Variants in RPS15A observed in about 807,000 individuals in gnomAD.
RPS15A encodes small ribosomal subunit protein uS8.
For missense variants in RPS15A, 62 were observed against 163.4 expected, an observed-to-expected ratio of 0.38 and a Z score of 3.38; for synonymous variants, 55 against 58.5, an observed-to-expected ratio of 0.94 and a Z score of 0.27.
chr16:18,783,360 C>T lies in RPS15A; in HGVS notation c.300-258G>A, dbSNP rs1903994798. The T allele has an allele frequency of 1.0e-5, 5 of 481,156 alleles. No homozygotes were observed. The Admixed American group carries it at 1.4e-4, about 14-fold the overall frequency. 29.8% of individuals were successfully genotyped at this position (481,156 alleles called of 1,614,324 possible). A position where few individuals can be genotyped will look rare whatever the true frequency, so the allele number is the denominator to read the frequency against. ...TGCCTACACCATGAAACAAACTGCACTGAAAACAAAGGCTGGGAACTCCTT... is the reference window on the plus strand; with the variant it reads ...TGCCTACACCATGAAACAAACTGCATTGAAAACAAAGGCTGGGAACTCCTT... On this transcript the variant is annotated intron_variant, in intron 4 of 4. Coordinates refer to ENST00000322989, the MANE Select transcript of RPS15A (RefSeq NM_001019.5).
chr16:18,781,769 A>G lies in RPS15A; in HGVS notation c.*1240T>C, dbSNP rs1903969513. On this transcript the variant is annotated 3_prime_UTR_variant, in exon 5 of 5. Coordinates refer to ENST00000322989, the MANE Select transcript of RPS15A (RefSeq NM_001019.5). ...CCCATCTCTAGGGCCGTTCTGTAAC[A>G]TTCTCAGCGACTTCCCATATCTTAC... 1 of 152,072 alleles carries G rather than the reference A, an allele frequency of 6.6e-6. No individual in the cohort carries two copies. Among genetic ancestry groups the G allele is most frequent in the South Asian group, 2.1e-4 (1 of 4,830 alleles). 9.4% of individuals were successfully genotyped at this position (152,072 alleles called of 1,614,324 possible). A position where few individuals can be genotyped will look rare whatever the true frequency, so the allele number is the denominator to read the frequency against.
chr16:18,789,198 T>A (rs2029969496), intron 1 of RPS15A, 80 bp from the exon 2 acceptor site: 1 of 1,392,734 alleles, frequency 7.2e-7, no homozygotes, highest in African/African-American at 1.4e-5. Flanking sequence ...TGCGGAAGTA[T>A]CCTTTCCTTT....
At chr16:18,789,311 T>C (rs1026047382) in intron 1 of RPS15A, among the ~76,000 whole-genome samples, 193 bp from the exon 2 acceptor site, 18 of 152,224 alleles carry the variant, frequency 1.2e-4, no homozygotes, top group African/African-American at 3.9e-4. Context: ...GAAAACAGGT[T>C]ATCGGGACGT....
chr16:18,782,915 A>G lies in RPS15A; in HGVS notation c.*94T>C. ...CGAAGCAACTGCATGCTGCCGCAGAAGCTGTGGCTACACTGCTGTAAAGGC... is the reference window on the plus strand; with the variant it reads ...CGAAGCAACTGCATGCTGCCGCAGAGGCTGTGGCTACACTGCTGTAAAGGC... On this transcript the variant is annotated 3_prime_UTR_variant, in exon 5 of 5. Coordinates refer to ENST00000322989, the MANE Select transcript of RPS15A (RefSeq NM_001019.5). 1 of 709,642 alleles carries G rather than the reference A, an allele frequency of 1.4e-6. No individual in the cohort carries two copies. Among genetic ancestry groups the G allele is most frequent in the Non-Finnish European group, 2.4e-6 (1 of 412,452 alleles). The allele number at this position is 709,642 out of a possible 1,614,324, so 44.0% of individuals were successfully genotyped here. A position where few individuals can be genotyped will look rare whatever the true frequency, so the allele number is the denominator to read the frequency against.
rs1170307837 is a variant in RPS15A, at chr16:18,781,688, A to G, written c.*1321T>C. Reference sequence around the variant, plus strand: ...AATTACCCACAGCCTCCCAAACATCAGAGGCCCCAAACATGCCTCCCAACT... The same window carrying G: ...AATTACCCACAGCCTCCCAAACATCGGAGGCCCCAAACATGCCTCCCAACT... On this transcript the variant is annotated 3_prime_UTR_variant, in exon 5 of 5. Transcript: ENST00000322989. 6.6e-6 allele frequency: 1 copy of G among 151,404 alleles called. No individual in the cohort carries two copies. The highest frequency in any genetic ancestry group is 1.5e-5 in the Non-Finnish European group (1 of 67,700). The allele number at this position is 151,404 out of a possible 1,614,324, so 9.4% of individuals were successfully genotyped here. A position where few individuals can be genotyped will look rare whatever the true frequency, so the allele number is the denominator to read the frequency against.
intron 4 of RPS15A, chr16:18,784,524 G>A: frequency 2.0e-6 from 1 of 487,806 alleles, no homozygotes; most frequent in Non-Finnish European, 3.6e-6. Context: ...AGGATCACAG[G>A]CGTGAGCCAC....
In RPS15A at chr16:18,781,495, C is replaced by G. The variant is rs1247988728; in HGVS notation, c.*1514G>C. 5.9e-5 allele frequency: 9 copies of G among 151,586 alleles called. No individual in the cohort carries two copies. The East Asian group carries it at 1.8e-3, about 30-fold the overall frequency. 9.4% of individuals were successfully genotyped at this position (151,586 alleles called of 1,614,324 possible). On this transcript the variant is annotated 3_prime_UTR_variant, in exon 5 of 5. Transcript: ENST00000322989. ...GCATAAGAAAATCCTTCTGGACTCACTGTCCCCATGCTTGTGACTGTCATG... is the reference window on the plus strand; with the variant it reads ...GCATAAGAAAATCCTTCTGGACTCAGTGTCCCCATGCTTGTGACTGTCATG...
At position 18,783,063 on chromosome 16, in the gene RPS15A, A is replaced by G. The variant is rs766981280; in HGVS notation, c.339T>C (p.His113=). Residue 113 remains histidine, a synonymous_variant, in exon 5 of 5, where the codon CAT becomes CAC. Transcript: ENST00000322989. ...VLTTSAGIMD[H]EEARRKHTGG... is the part of the protein sequence containing the mutation. ...CTGTGTGTTTTCGTCTTGCTTCTTCATGGTCCATGATGCCAGCTGAGGTTG... is the reference window on the plus strand; with the variant it reads ...CTGTGTGTTTTCGTCTTGCTTCTTCGTGGTCCATGATGCCAGCTGAGGTTG... 1 of 1,608,456 alleles carries G rather than the reference A, an allele frequency of 6.2e-7. No individual in the cohort carries two copies. The highest frequency in any genetic ancestry group is 1.1e-5 in the South Asian group (1 of 90,986).
At chr16:18,788,856 C>A in intron 2 of RPS15A, 125 bp downstream of exon 2, 3 of 991,020 alleles carry the variant, frequency 3.0e-6, no homozygotes, top group Non-Finnish European at 4.6e-6. Flanking sequence ...CCACAGCCCA[C>A]AGGTCAATTG....
chr16:18,789,238 G>A, intron 1 of RPS15A, 120 bp from the exon 2 acceptor site: 1 of 943,974 alleles, frequency 1.1e-6, no homozygotes, highest in Non-Finnish European at 1.6e-6. Context: ...GTTTTCTCAA[G>A]TCTAAGCAGG....
chr16:18,783,124 TGC>T, intron 4 of RPS15A, 22 bp from the exon 5 acceptor site: 1 of 1,518,960 alleles, frequency 6.6e-7, no homozygotes, highest in Non-Finnish European at 9.1e-7. Context: ...AAAAAGAAAG[TGC>T]TGGTAAGTTT....
At chr16:18,787,494 C>G (rs367619919) in intron 3 of RPS15A, among the ~76,000 whole-genome samples, 1 of 152,202 alleles carries the variant, frequency 6.6e-6, no homozygotes, top group South Asian at 2.1e-4. Context: ...GACACCTCAA[C>G]CAGCTTAAGA....
intron 3 of RPS15A, 119 bp downstream of exon 3, chr16:18,787,944 A>C (rs2029922631): frequency 2.9e-6 from 2 of 695,344 alleles, no homozygotes; most frequent in African/African-American, 3.6e-5. Flanking sequence ...ACCTTTTTAA[A>C]GTAACTGGAT....
intron 4 of RPS15A, chr16:18,783,781 G>T (rs2141857449): frequency 2.2e-6 from 1 of 447,430 alleles, no homozygotes; most frequent in African/African-American, 2.0e-5. Context: ...TAAATCAGGT[G>T]ATAAACAGAG....
In RPS15A at chr16:18,781,494, ACT is replaced by A. The variant is rs1196107256; in HGVS notation, c.*1513_*1514del. 4.0e-5 allele frequency: 6 copies of A among 151,274 alleles called. No homozygotes were observed. Among genetic ancestry groups the A allele is most frequent in the Admixed American group, 1.3e-4 (2 of 15,132 alleles). 9.4% of individuals were successfully genotyped at this position (151,274 alleles called of 1,614,324 possible). ...GGCATAAGAAAATCCTTCTGGACTC[ACT>A]GTCCCCATGCTTGTGACTGTCATGT... On this transcript the variant is annotated 3_prime_UTR_variant, in exon 5 of 5. Transcript: ENST00000322989.
Position 18,788,158 on chromosome 16 carries a change from G to A in RPS15A, c.134-16C>T. The A allele has an allele frequency of 3.9e-6, 6 of 1,532,146 alleles. No individual in the cohort carries two copies. The highest frequency in any genetic ancestry group is 5.4e-6 in the Non-Finnish European group (6 of 1,106,836). 94.9% of individuals were successfully genotyped at this position (1,532,146 alleles called of 1,614,324 possible). ...CCAATGTAACCTACAAAAGATAACT[G>A]ACTGGATTAAATAAAAGACATCAAC... On this transcript the variant is annotated splice_polypyrimidine_tract_variant and intron_variant, in intron 2 of 4. Transcript: ENST00000322989.
At chr16:18,787,798 T>TA (rs1286691596) in intron 3 of RPS15A, among the ~76,000 whole-genome samples, 2 of 152,170 alleles carry the variant, frequency 1.3e-5, no homozygotes, top group Non-Finnish European at 2.9e-5. Context: ...AACATCCAAA[T>TA]ACCAGTACCA....
intron 3 of RPS15A, chr16:18,785,387 A>G (rs1904031394): frequency 6.6e-6 from 1 of 152,238 alleles, no homozygotes; most frequent in Non-Finnish European, 1.5e-5. Flanking sequence ...GAAGGCAGAA[A>G]GAGCAAAGGG....
chr16:18,788,035 T>G (rs748425569), intron 3 of RPS15A, 28 bp downstream of exon 3: 2 of 1,445,244 alleles, frequency 1.4e-6, no homozygotes, highest in Non-Finnish European at 1.9e-6. Context: ...TCTTAAAGCT[T>G]TGAAATGTGT....
Sources: gnomAD v4.1 joint callset for allele counts (sites outside exome capture counted in the v4.1 genomes callset) on GRCh38, gnomAD v4.1.1 for gene constraint, MANE v1.5 for transcripts, NCBI Gene and HGNC (gene_info 2026-07-23, HGNC 2026-07-21) for gene names.